PPP2R2D: variants seen among roughly 807,000 people sequenced by gnomAD.
PPP2R2D encodes protein phosphatase 2 regulatory subunit Bdelta, also known as serine/threonine-protein phosphatase 2A 55 kDa regulatory subunit B delta isoform.
PPP2R2D carries 9 observed loss-of-function variants against 31.1 expected under a neutral mutation model. The observed-to-expected ratio is 0.29, with a 90% CI of 0.17 to 0.51. PPP2R2D has a LOEUF of 0.51. Ranked by LOEUF, PPP2R2D falls within the 20% of genes least tolerant of loss-of-function variation. The pLI is 0.98. For missense variants in PPP2R2D, 391 were observed against 465.6 expected (o/e 0.84, Z 1.48); for synonymous variants, 179 against 172.6 (o/e 1.04, Z -0.29).
chr10:131,919,692 GTTTA>G (rs1225048189), intron 2 of PPP2R2D, among the ~76,000 whole-genome samples: 1 of 128,774 alleles, frequency 7.8e-6, no homozygotes, highest in South Asian at 2.7e-4. Context: ...GAATGACAGT[GTTTA>G]TAGGGACCTC....
At chr10:131,963,622 G>A (rs539767676), downstream of PPP2R2D, among the ~76,000 whole-genome samples, 106 of 152,374 alleles carry the variant, frequency 7.0e-4, no homozygotes, top group African/African-American at 2.4e-3. Context: ...CACGTCGGAC[G>A]CGGCTTCTGA....
chr10:131,929,599 C>G (rs2036174825), intron 2 of PPP2R2D, among the ~76,000 whole-genome samples: 1 of 152,128 alleles, frequency 6.6e-6, no homozygotes, highest in Non-Finnish European at 1.5e-5. Context: ...GCAGGTGACC[C>G]TCCCTCATGC....
chr10:131,936,279 G>C (rs549701495), intron 3 of PPP2R2D, among the ~76,000 whole-genome samples: 1 of 151,662 alleles, frequency 6.6e-6, no homozygotes, highest in East Asian at 2.0e-4. Flanking sequence ...CTCCCAAGTC[G>C]CTGGGATTAC....
chr10:131,907,078 A>G (rs2035601444), intron 2 of PPP2R2D, among the ~76,000 whole-genome samples: 2 of 152,000 alleles, frequency 1.3e-5, no homozygotes, highest in South Asian at 2.1e-4. Flanking sequence ...AGATACTAAG[A>G]TGTGGGGAAA....
chr10:131,917,748 G>GTGTT (rs2119788777), intron 2 of PPP2R2D, among the ~76,000 whole-genome samples: 1 of 125,220 alleles, frequency 8.0e-6, no homozygotes, highest in South Asian at 3.2e-4. Flanking sequence ...GAATGACACA[G>GTGTT]TATAGGGACC....
intron 5 of PPP2R2D, among the ~76,000 whole-genome samples, chr10:131,942,762 CT>C: frequency 6.6e-6 from 1 of 152,244 alleles, no homozygotes; most frequent in East Asian, 1.9e-4. Flanking sequence ...AAGAAGGAAT[CT>C]TTGTAAGTAT....
At chr10:131,953,874 A>G (rs1554899490) in intron 8 of PPP2R2D, among the ~76,000 whole-genome samples, 1 of 152,156 alleles carries the variant, frequency 6.6e-6, no homozygotes, top group African/African-American at 2.4e-5. Flanking sequence ...AAATACCCTT[A>G]GATTACATAT....
chr10:131,943,205 C>G (rs556747677), intron 5 of PPP2R2D, among the ~76,000 whole-genome samples: 39 of 152,182 alleles, frequency 2.6e-4, no homozygotes, highest in Non-Finnish European at 5.3e-4. Context: ...CGGCCTGCAG[C>G]CAGCGCCCAC....
downstream of PPP2R2D, among the ~76,000 whole-genome samples, chr10:131,960,060 G>A (rs1042656880): frequency 6.6e-6 from 1 of 152,222 alleles, no homozygotes. Context: ...GGGCGCCTGC[G>A]GGGGAAGCCA....
chr10:131,904,987 C>CT (rs1421317858), intron 2 of PPP2R2D, among the ~76,000 whole-genome samples: 98,011 of 148,660 alleles, frequency 0.66, 32,463 homozygotes, highest in African/African-American at 0.76. Context: ...CCCCACCCCC[C>CT]TTTTTTTTTT....
downstream of PPP2R2D, among the ~76,000 whole-genome samples, chr10:131,960,781 T>C (rs2036911267): frequency 6.6e-6 from 1 of 152,186 alleles, no homozygotes; most frequent in Admixed American, 6.5e-5. Context: ...TGTGCGTCCT[T>C]GGCCAGCGGC....
At chr10:131,902,244 G>A (rs1352892646) in intron 2 of PPP2R2D, among the ~76,000 whole-genome samples, 6 of 152,174 alleles carry the variant, frequency 3.9e-5, no homozygotes, top group Non-Finnish European at 8.8e-5. Flanking sequence ...ACTGAACATT[G>A]TAAACCTTTA....
At chr10:131,941,152 C>G (rs1481240152) in intron 5 of PPP2R2D, among the ~76,000 whole-genome samples, 6 of 152,100 alleles carry the variant, frequency 3.9e-5, no homozygotes, top group Admixed American at 2.6e-4. Flanking sequence ...TAGGCAGATG[C>G]TGATGGTTCA....
At chr10:131,942,838 T>C (rs2036464857) in intron 5 of PPP2R2D, among the ~76,000 whole-genome samples, 1 of 152,238 alleles carries the variant, frequency 6.6e-6, no homozygotes, top group African/African-American at 2.4e-5. Flanking sequence ...TGTGTGTTTT[T>C]AAGCCTGAAC....
At chr10:131,962,914 C>G (rs2036942690), downstream of PPP2R2D, among the ~76,000 whole-genome samples, 1 of 152,220 alleles carries the variant, frequency 6.6e-6, no homozygotes, top group Non-Finnish European at 1.5e-5. Flanking sequence ...CCTGTAATCC[C>G]AGCACTTTGG....
At position 131,957,544 on chromosome 10, in the gene PPP2R2D, C is replaced by A; in HGVS notation, c.*1581C>A. ...GAGATGAAGGTGTGTGCTGATCCCCCGTGCCCCTGTGGAGATGAAGGTGCG... is the reference window on the plus strand; with the variant it reads ...GAGATGAAGGTGTGTGCTGATCCCCAGTGCCCCTGTGGAGATGAAGGTGCG... On this transcript the variant is annotated 3_prime_UTR_variant, in exon 9 of 9. Coordinates refer to ENST00000455566, the MANE Select transcript of PPP2R2D (RefSeq NM_018461.5). The A allele has an allele frequency of 5.5e-6, 1 of 181,032 alleles. No homozygotes were observed. The allele number at this position is 181,032 out of a possible 1,614,324, so 11.2% of individuals were successfully genotyped here. A position where few individuals can be genotyped will look rare whatever the true frequency, so the allele number is the denominator to read the frequency against.
intron 8 of PPP2R2D, among the ~76,000 whole-genome samples, chr10:131,950,260 G>C (rs1339126488): frequency 6.6e-6 from 1 of 152,190 alleles, no homozygotes; most frequent in Admixed American, 6.5e-5. Context: ...AAGTTTGGGG[G>C]TGTGAGGCTT....
At chr10:131,904,307 C>T (rs1262705691) in intron 2 of PPP2R2D, among the ~76,000 whole-genome samples, 14 of 151,474 alleles carry the variant, frequency 9.2e-5, no homozygotes, top group Admixed American at 8.6e-4. Context: ...GTCAGGAGAT[C>T]GAGACCATCC....
intron 2 of PPP2R2D, among the ~76,000 whole-genome samples, chr10:131,906,271 T>C (rs2035581899): frequency 6.6e-6 from 1 of 152,220 alleles, no homozygotes; most frequent in Non-Finnish European, 1.5e-5. Context: ...TTTATATAGC[T>C]TTATAGCTTG....
Sources: gnomAD v4.1 joint callset for allele counts (sites outside exome capture counted in the v4.1 genomes callset) on GRCh38, gnomAD v4.1.1 for gene constraint, MANE v1.5 for transcripts, NCBI Gene and HGNC (gene_info 2026-07-23, HGNC 2026-07-21) for gene names.